The following MAP1B variants were observed in gnomAD, a reference collection of about 807,000 sequenced individuals.
The protein encoded by MAP1B is microtubule associated protein 1B, also known as microtubule-associated protein 1B.
In MAP1B, 12 loss-of-function variants were observed where a neutral mutation model predicts 176.1. The observed-to-expected ratio is 0.07, with a 90% confidence interval of 0.04 to 0.11. MAP1B has a LOEUF of 0.11. Among genes scored for constraint, MAP1B ranks in the 10% least tolerant of loss-of-function variants. The pLI is 1.00. For synonymous variants in MAP1B, 1,044 were observed against 1,135.0 expected (o/e 0.92, Z 1.61); for missense variants, 2,523 against 2,990.5 (o/e 0.84, Z 3.65).
At chr5:72,117,169 G>A (rs1380623427) in intron 2 of MAP1B, among the ~76,000 whole-genome samples, 1 of 148,752 alleles carries the variant, frequency 6.7e-6, no homozygotes, top group African/African-American at 2.6e-5. Context: ...AAGGAATCCA[G>A]AGACTGTCAG....
chr5:72,121,554 A>G (rs1745530519), intron 2 of MAP1B, among the ~76,000 whole-genome samples: 1 of 152,204 alleles, frequency 6.6e-6, no homozygotes. Context: ...TCTTGCCTGG[A>G]GATTGGTTTT....
rs541500425 is a variant in MAP1B, at chr5:72,205,414, T to C, written c.*175T>C. Reference sequence around the variant, plus strand: ...ACTAAATTTCTCAGTTTTTGCTGATTGCTAAGGGAAATAACAGTATTTCCA... The same window carrying C: ...ACTAAATTTCTCAGTTTTTGCTGATCGCTAAGGGAAATAACAGTATTTCCA... On this transcript the variant is annotated 3_prime_UTR_variant, in exon 7 of 7. Transcript: ENST00000296755. 1.4e-5 allele frequency: 9 copies of C among 625,710 alleles called. No homozygotes were observed. Among genetic ancestry groups the C allele is most frequent in the Middle Eastern group, 3.1e-4 (1 of 3,220 alleles). 38.8% of individuals were successfully genotyped at this position (625,710 alleles called of 1,614,324 possible). A position where few individuals can be genotyped will look rare whatever the true frequency, so the allele number is the denominator to read the frequency against.
chr5:72,121,215 C>G (rs1745523794), intron 2 of MAP1B, among the ~76,000 whole-genome samples: 1 of 152,176 alleles, frequency 6.6e-6, no homozygotes, highest in Admixed American at 6.5e-5. Context: ...GCTATGATAA[C>G]CCATCCATGG....
Position 72,196,322 on chromosome 5 carries a change from G to A in MAP1B, c.2967G>A (p.Lys989=). 1.2e-6 allele frequency: 2 copies of A among 1,614,140 alleles called. No individual in the cohort carries two copies. Among genetic ancestry groups the A allele is most frequent in the Non-Finnish European group, 1.7e-6 (2 of 1,180,014 alleles). The change falls in exon 5 of 7, where the codon AAG becomes AAA. Residue 989 remains lysine, a synonymous_variant. Transcript: ENST00000296755. The surrounding 1 kb of genome is among the most constrained non-coding windows in gnomAD (Gnocchi z 5.3). ...AGGCTGATGCATACATCAGGGAGAA[G>A]AGGGAGTCTGTGGCCAGTGGGGATG... is the stretch of plus-strand genomic sequence containing the variant. ...KAEADAYIRE[K]RESVASGDDR... is the part of the protein sequence containing the mutation.
intron 2 of MAP1B, 38 bp downstream of exon 2, chr5:72,115,837 C>T: frequency 1.4e-6 from 2 of 1,441,912 alleles, no homozygotes; most frequent in Non-Finnish European, 2.0e-6. Flanking sequence ...CCTAGAATTC[C>T]AAAGGACAAG....
At position 72,186,099 on chromosome 5, in the gene MAP1B, G is replaced by A. The variant is rs1255102893; in HGVS notation, c.370-515G>A. Among the ~76,000 whole-genome samples the A allele has an allele frequency of 2.0e-5, 3 of 152,194 alleles. No homozygotes were observed. Among genetic ancestry groups the A allele is most frequent in the African/African-American group, 4.8e-5 (2 of 41,448 alleles). Reference sequence around the variant, plus strand: ...GGAGCTGTGTGTGTGCTTGCTGCACGCCTTGGAAGGGCATATGGGAGGGGT... The same window carrying A: ...GGAGCTGTGTGTGTGCTTGCTGCACACCTTGGAAGGGCATATGGGAGGGGT... On this transcript the variant is annotated intron_variant, in intron 3 of 6. Coordinates refer to ENST00000296755, the MANE Select transcript of MAP1B (RefSeq NM_005909.5). This position sits in a 1 kb window ranked among gnomAD's most constrained non-coding sequence, Gnocchi z 4.3.
intron 2 of MAP1B, among the ~76,000 whole-genome samples, chr5:72,163,929 TC>T (rs371043080): frequency 0.43 from 33,931 of 78,014 alleles, 7,839 homozygotes; most frequent in South Asian, 0.57. Context: ...TTTTTTTTTT[TC>T]TTTTTTTTTT....
rs757149642 is a variant in MAP1B at position 72,200,286 on chromosome 5, G to A, written c.6931G>A (p.Ala2311Thr). 4 of 1,614,234 alleles carry A rather than the reference G, an allele frequency of 2.5e-6. No homozygotes were observed. Among genetic ancestry groups the A allele is most frequent in the South Asian group, 2.2e-5 (2 of 91,086 alleles). Residue 2311 changes from alanine to threonine, a missense_variant, in exon 5 of 7, where the codon GCA (alanine) becomes ACA (threonine). By Grantham distance (58) the Ala-to-Thr change is moderately conservative (BLOSUM62 0). Around this residue, in one of 4 missense-constraint regions of MAP1B, gnomAD observed 287 missense variants for 401.5 expected, o/e 0.71. Coordinates refer to ENST00000296755, the MANE Select transcript of MAP1B (RefSeq NM_005909.5). ...CACCACCACTCCTGAGGTCAAAGCT[G>A]CACGTGGGGAAGAGAAAGACAAGGA... ...KPTTTPEVKA[A>T]RGEEKDKETK...
chr5:72,197,172 G>A lies in MAP1B; in HGVS notation c.3817G>A (p.Gly1273Ser). The change falls in exon 5 of 7, where the codon GGT becomes AGT. Residue 1273 changes from glycine to serine, a missense_variant. This residue lies in a region of MAP1B where 1,925 missense variants were observed against 2,126.0 expected (regional missense o/e 0.91). Transcript: ENST00000296755. ...PPSPLEKTPL[G>S]ERSVNFSLTP... ...ATCACCCTTAGAAAAGACCCCCCTG[G>A]GTGAACGTAGTGTGAACTTCTCTCT... 1 of 1,614,158 alleles carries A rather than the reference G, an allele frequency of 6.2e-7. No individual in the cohort carries two copies. The highest frequency in any genetic ancestry group is 8.5e-7 in the Non-Finnish European group (1 of 1,180,022).
chr5:72,196,609 T>A lies in MAP1B; in HGVS notation c.3254T>A (p.Ile1085Asn). 6.2e-7 allele frequency: 1 copy of A among 1,614,028 alleles called. No homozygotes were observed. Among genetic ancestry groups the A allele is most frequent in the East Asian group, 2.2e-5 (1 of 44,878 alleles). Residue 1085 changes from isoleucine to asparagine, a missense_variant, in exon 5 of 7, where the codon ATT (isoleucine) becomes AAT (asparagine). Physicochemically the swap from Ile to Asn is moderately radical, Grantham distance 149 (BLOSUM62 -3). Transcript: ENST00000296755. This position sits in a 1 kb window ranked among gnomAD's most constrained non-coding sequence, Gnocchi z 5.3. ...CCTGGCCGAGAACCTGCATCTTCAATTCATGATGAGACTTTACCTGGAGGC... is the reference window on the plus strand; with the variant it reads ...CCTGGCCGAGAACCTGCATCTTCAAATCATGATGAGACTTTACCTGGAGGC... ...QSPGREPASS[I>N]HDETLPGGSE...
rs56064352 is a variant in MAP1B, at chr5:72,179,601, G to A, written c.287-4142G>A. Reference sequence around the variant, plus strand: ...ACGGGTATGCCAGGGGTGGGGGCGCGTCAGGGCCCCTCTGCCAGGCTTGGC... The same window carrying A: ...ACGGGTATGCCAGGGGTGGGGGCGCATCAGGGCCCCTCTGCCAGGCTTGGC... On this transcript the variant is annotated intron_variant, in intron 2 of 6. Coordinates refer to ENST00000296755, the MANE Select transcript of MAP1B (RefSeq NM_005909.5). The A allele has an allele frequency of 3.7e-3, 3,633 of 985,404 alleles. 95 individuals carry two copies. The African/African-American group carries it at 0.058, about 16-fold the overall frequency. 61.0% of individuals were successfully genotyped at this position (985,404 alleles called of 1,614,324 possible).
intron 4 of MAP1B, among the ~76,000 whole-genome samples, chr5:72,191,264 A>T (rs1240721176): frequency 6.6e-6 from 1 of 152,262 alleles, no homozygotes. Flanking sequence ...AGTGGGTTAT[A>T]ATAGTTACCA....
In MAP1B at chr5:72,205,159, C is replaced by G. The variant is rs1479446407; in HGVS notation, c.7327C>G (p.Leu2443Val). ...GGAGACCCATGAGAAACAGCAAGAT[C>G]TCAACATCATGGTTTTAGCAAGCAG... is the stretch of plus-strand genomic sequence containing the variant. ...YQETHEKQQDLNIMVLASSST... is the reference protein window; with the variant it reads ...YQETHEKQQDVNIMVLASSST... Residue 2443 changes from leucine to valine, a missense_variant, in exon 7 of 7, where the codon CTC becomes GTC. Around this residue, in one of 4 missense-constraint regions of MAP1B, gnomAD observed 287 missense variants for 401.5 expected, o/e 0.71. Transcript: ENST00000296755. 3.1e-6 allele frequency: 5 copies of G among 1,613,828 alleles called. No individual in the cohort carries two copies. The highest frequency in any genetic ancestry group is 4.2e-6 in the Non-Finnish European group (5 of 1,179,890).
At chr5:72,124,817 A>G (rs780650986) in intron 2 of MAP1B, among the ~76,000 whole-genome samples, 2 of 152,218 alleles carry the variant, frequency 1.3e-5, no homozygotes, top group Non-Finnish European at 2.9e-5. Flanking sequence ...GCGAGGAAGG[A>G]ACAGCTATTC....
intron 1 of MAP1B, among the ~76,000 whole-genome samples, chr5:72,110,880 A>G (rs892444024): frequency 2.6e-5 from 4 of 152,194 alleles, no homozygotes; most frequent in Admixed American, 6.5e-5. Flanking sequence ...GAACGTCCCA[A>G]TGTGGATGCT....
chr5:72,191,470 C>T (rs997988070), intron 4 of MAP1B, among the ~76,000 whole-genome samples: 1 of 152,234 alleles, frequency 6.6e-6, no homozygotes, highest in Non-Finnish European at 1.5e-5. Context: ...CCTTGAGGCA[C>T]TCTCTACTGT....
intron 2 of MAP1B, among the ~76,000 whole-genome samples, chr5:72,124,845 G>A (rs932726455): frequency 1.3e-5 from 2 of 152,206 alleles, no homozygotes; most frequent in Middle Eastern, 3.2e-3. Flanking sequence ...GGAGCAACAC[G>A]TTTTTAGTGC....
chr5:72,123,675 AG>A (rs1373508754), intron 2 of MAP1B, among the ~76,000 whole-genome samples: 1 of 152,020 alleles, frequency 6.6e-6, no homozygotes, highest in African/African-American at 2.4e-5. Context: ...TAGTAGAGAC[AG>A]GGTTTCACTG....
intron 2 of MAP1B, among the ~76,000 whole-genome samples, chr5:72,125,682 AT>A (rs1222253422): frequency 6.6e-6 from 1 of 151,940 alleles, no homozygotes; most frequent in African/African-American, 2.4e-5. Context: ...TTTTAAAAAA[AT>A]CTGTGTGCAT....
Sources: gnomAD v4.1 joint callset for allele counts (sites outside exome capture counted in the v4.1 genomes callset) on GRCh38, gnomAD v4.1.1 for gene constraint, gnomAD v4.1.1 regional missense constraint, Gnocchi (gnomAD v3.1) non-coding constraint, MANE v1.5 for transcripts, NCBI Gene and HGNC (gene_info 2026-07-23, HGNC 2026-07-21) for gene names.